The following RSF1 variants were observed in gnomAD, a reference collection of about 807,000 sequenced individuals.
The protein encoded by RSF1 is HBV pX-associated protein 8.
Under a neutral mutation model 145.2 loss-of-function variants are expected in RSF1, and 13 were observed. That is an observed-to-expected ratio of 0.09 (90% CI 0.06 to 0.14). The LOEUF (loss-of-function observed/expected upper bound fraction) is 0.14, where lower values mean the gene tolerates loss of function less well. RSF1 is among the 10% of genes least tolerant of loss of function. RSF1 has a pLI of 1.00. For synonymous variants in RSF1, 577 were observed against 592.6 expected (o/e 0.97, Z 0.38); for missense variants, 1,517 against 1,718.2 (o/e 0.88, Z 2.07).
chr11:77,679,877 C>T (rs1321389042), intron 11 of RSF1, among the ~76,000 whole-genome samples: 2 of 152,028 alleles, frequency 1.3e-5, no homozygotes, highest in Non-Finnish European at 1.5e-5. Flanking sequence ...ATATAAAATG[C>T]CTTTTACTTC....
In RSF1 at chr11:77,664,829, T is replaced by C. The variant is rs1300930510; in HGVS notation, c.*2088A>G. 1.3e-5 allele frequency: 2 copies of C among 152,216 alleles called. No individual in the cohort carries two copies. The highest frequency in any genetic ancestry group is 3.8e-4 in the East Asian group (2 of 5,196). The allele number at this position is 152,216 out of a possible 1,614,324, so 9.4% of individuals were successfully genotyped here. ...GCTGGAAAGGAGACTGTTAAGTAAA[T>C]GTAGCTCCTTACACAGCCCTGCTTT... On this transcript the variant is annotated 3_prime_UTR_variant, in exon 16 of 16. Transcript: ENST00000308488.
intron 5 of RSF1, 90 bp downstream of exon 5, chr11:77,725,455 A>G (rs1329062037): frequency 1.9e-6 from 2 of 1,067,378 alleles, no homozygotes; most frequent in Non-Finnish European, 2.4e-6. Context: ...AAATTGAGAT[A>G]GAAATTCAGA....
intron 1 of RSF1, among the ~76,000 whole-genome samples, chr11:77,771,775 C>T (rs1007747292): frequency 6.6e-6 from 1 of 152,036 alleles, no homozygotes; most frequent in Non-Finnish European, 1.5e-5. Context: ...TTAAAAATGT[C>T]CATAGGATAG....
chr11:77,775,110 T>C (rs1948328632), intron 1 of RSF1, among the ~76,000 whole-genome samples: 1 of 151,608 alleles, frequency 6.6e-6, no homozygotes, highest in South Asian at 2.1e-4. Flanking sequence ...TAGCTGGGCA[T>C]GGTCGTGGGC....
At chr11:77,832,977 G>A in the RSF1 span, among the ~76,000 whole-genome samples, 1 of 65,208 alleles carries the variant, frequency 1.5e-5, no homozygotes. Context: ...GTGTGTGTGT[G>A]TGTGTGTGTG....
chr11:77,718,586 G>T (rs1423948439), intron 5 of RSF1, among the ~76,000 whole-genome samples: 1 of 152,110 alleles, frequency 6.6e-6, no homozygotes, highest in Non-Finnish European at 1.5e-5. Context: ...CCTTTGGTGA[G>T]GTAATTATGG....
chr11:77,679,655 A>G (rs1959805514), intron 11 of RSF1, among the ~76,000 whole-genome samples: 1 of 151,438 alleles, frequency 6.6e-6, no homozygotes. Context: ...CCTGGGGGAC[A>G]GAGCGAGACC....
chr11:77,748,223 T>A (rs1002841454), intron 2 of RSF1, among the ~76,000 whole-genome samples: 1 of 151,540 alleles, frequency 6.6e-6, no homozygotes, highest in African/African-American at 2.4e-5. Flanking sequence ...GATCTTTTTT[T>A]TTTTTCTTTT....
At chr11:77,680,579 C>T (rs910000359) in intron 11 of RSF1, among the ~76,000 whole-genome samples, 13 of 152,140 alleles carry the variant, frequency 8.5e-5, no homozygotes, top group Admixed American at 3.9e-4. Flanking sequence ...AACAAGACCC[C>T]GTCTCTAAAA....
intron 1 of RSF1, among the ~76,000 whole-genome samples, chr11:77,818,882 C>G (rs1328303508): frequency 1.3e-5 from 2 of 152,108 alleles, no homozygotes; most frequent in Admixed American, 6.5e-5. Flanking sequence ...CTGTGAGAAG[C>G]CTTTATATAA....
At position 77,664,717 on chromosome 11, in the gene RSF1, T is replaced by C. The variant is rs1959319776; in HGVS notation, c.*2200A>G. 6.6e-6 allele frequency: 1 copy of C among 152,202 alleles called. No individual in the cohort carries two copies. The highest frequency in any genetic ancestry group is 1.5e-5 in the Non-Finnish European group (1 of 68,034). 9.4% of individuals were successfully genotyped at this position (152,202 alleles called of 1,614,324 possible). On this transcript the variant is annotated 3_prime_UTR_variant, in exon 16 of 16. Transcript: ENST00000308488. ...TATATTCAAACCACTTACCTTGCAC[T>C]AGTAGAAATCTTTATATTGCTTGCC...
In RSF1 at chr11:77,667,369, C is replaced by T. The variant is rs777265824; in HGVS notation, c.3874G>A (p.Glu1292Lys). 39 of 1,613,710 alleles carry T rather than the reference C, an allele frequency of 2.4e-5. No individual in the cohort carries two copies. The highest frequency in any genetic ancestry group is 4.0e-5 in the African/African-American group (3 of 74,890). ...SEADEEEEEE[E>K]GKPSRKRLHR... ...AGCCGTTTGCGGGATGGTTTGCCTT[C>T]CTCTTCCTCCTCCTCCTCATCTGCT... Residue 1292 changes from glutamate (E) to lysine (K), a missense_variant, in exon 16 of 16, where the codon GAA (glutamate) becomes AAA (lysine). Coordinates refer to ENST00000308488, the MANE Select transcript of RSF1 (RefSeq NM_016578.4).
At chr11:77,756,297 G>A (rs1948115214) in intron 2 of RSF1, among the ~76,000 whole-genome samples, 1 of 150,174 alleles carries the variant, frequency 6.7e-6, no homozygotes, top group Non-Finnish European at 1.5e-5. Flanking sequence ...GGCAGAGGTT[G>A]CAGTGAGCTG....
At chr11:77,723,075 A>G (rs1960975973) in intron 5 of RSF1, among the ~76,000 whole-genome samples, 1 of 152,248 alleles carries the variant, frequency 6.6e-6, no homozygotes, top group African/African-American at 2.4e-5. Flanking sequence ...AAAATGAACA[A>G]GTAACATTAA....
intron 2 of RSF1, among the ~76,000 whole-genome samples, chr11:77,755,331 T>C (rs1274736037): frequency 6.6e-6 from 1 of 152,090 alleles, no homozygotes; most frequent in African/African-American, 2.4e-5. Context: ...GGAACAGATG[T>C]GGAGGGTGAA....
Position 77,700,984 on chromosome 11 carries a change from G to C in RSF1, c.2245C>G (p.Pro749Ala). The C allele has an allele frequency of 6.2e-7, 1 of 1,613,462 alleles. No homozygotes were observed. Among genetic ancestry groups the C allele is most frequent in the Non-Finnish European group, 8.5e-7 (1 of 1,179,994 alleles). Residue 749 changes from proline (P) to alanine (A), a missense_variant, in exon 6 of 16, where the codon CCC (proline) becomes GCC (alanine). Pro to Ala is a conservative substitution (Grantham distance 27). This residue lies in a region of RSF1 where 579 missense variants were observed against 553.5 expected (regional missense o/e 1.05). Transcript: ENST00000308488. ...TTTTCTGGTTCTAGAACTTTGGGGG[G>C]AGAATCGGGCTTCTTTTTCCGACTT... ...ISSRKKKPDS[P>A]PKVLEPENKQ...
chr11:77,858,794 A>G, the RSF1 span, among the ~76,000 whole-genome samples: 1 of 152,198 alleles, frequency 6.6e-6, no homozygotes, highest in African/African-American at 2.4e-5. Context: ...AGGCCAGTCC[A>G]GGGGTCCACG....
At position 77,701,325 on chromosome 11, in the gene RSF1, A is replaced by G; in HGVS notation, c.1904T>C (p.Ile635Thr). Residue 635 changes from isoleucine (I) to threonine (T), a missense_variant, in exon 6 of 16, where the codon ATT (isoleucine) becomes ACT (threonine). Coordinates refer to ENST00000308488, the MANE Select transcript of RSF1 (RefSeq NM_016578.4). ...TGAGGCTAGTTTCTCACAGTGGTCA[A>G]TGATATTAGATGGTGGAGAAGTTTC... ...AAETSPPSNI[I>T]DHCEKLASEK... is the part of the protein sequence containing the mutation. 1 of 1,614,072 alleles carries G rather than the reference A, an allele frequency of 6.2e-7. No homozygotes were observed. Among genetic ancestry groups the G allele is most frequent in the Non-Finnish European group, 8.5e-7 (1 of 1,180,018 alleles).
chr11:77,734,797 C>G (rs192134914), intron 4 of RSF1: 21 of 1,594,184 alleles, frequency 1.3e-5, no homozygotes, highest in Non-Finnish European at 1.8e-5. Context: ...TCGGCCACCT[C>G]GTTGGTTCTG....
Sources: allele counts gnomAD v4.1 joint callset (sites outside exome capture counted in the v4.1 genomes callset), GRCh38; gene constraint gnomAD v4.1.1; regional missense constraint gnomAD v4.1.1; transcripts MANE v1.5; gene names NCBI Gene and HGNC (gene_info 2026-07-23, HGNC 2026-07-21).